Variants in PSEN1 observed in about 807,000 individuals in gnomAD.
PSEN1 encodes the protein presenilin 1.
In PSEN1, 15 loss-of-function variants were observed where a neutral mutation model predicts 53.5. The observed-to-expected ratio is 0.28, with a 90% CI of 0.19 to 0.43. The LOEUF (loss-of-function observed/expected upper bound fraction) is 0.43, where lower values mean the gene tolerates loss of function less well. Among genes scored for constraint, PSEN1 ranks in the 20% least tolerant of loss-of-function variants. PSEN1 has a pLI of 1.00. For synonymous variants in PSEN1, 208 were observed against 209.8 expected (o/e 0.99, Z 0.08); for missense variants, 387 against 571.2 (o/e 0.68, Z 3.29).
chr14:73,167,124 G>A (rs1897740519), intron 3 of PSEN1, among the ~76,000 whole-genome samples: 1 of 138,096 alleles, frequency 7.2e-6, no homozygotes, highest in South Asian at 2.5e-4. Context: ...TCTTGAGGCT[G>A]GAAAGCCCAA....
intron 4 of PSEN1, among the ~76,000 whole-genome samples, 162 bp downstream of exon 4, chr14:73,171,209 C>T (rs559715033): frequency 1.3e-5 from 2 of 152,254 alleles, no homozygotes; most frequent in African/African-American, 2.4e-5. Context: ...GGGGTTATTA[C>T]TTCATGTTTT....
At chr14:73,158,043 T>C (rs1897414185) in intron 3 of PSEN1, among the ~76,000 whole-genome samples, 1 of 152,132 alleles carries the variant, frequency 6.6e-6, no homozygotes. Flanking sequence ...CATAATTATT[T>C]TGAAATTCGT....
intron 9 of PSEN1, among the ~76,000 whole-genome samples, chr14:73,210,809 C>T (rs1018917423): frequency 6.6e-6 from 1 of 152,168 alleles, no homozygotes; most frequent in Non-Finnish European, 1.5e-5. Flanking sequence ...AAATCTACTT[C>T]TGCTCTGAAC....
intron 5 of PSEN1, among the ~76,000 whole-genome samples, chr14:73,185,126 G>A (rs1898447947): frequency 6.6e-6 from 1 of 151,428 alleles, no homozygotes; most frequent in Non-Finnish European, 1.5e-5. Flanking sequence ...TCCAGACTGG[G>A]CAGCCAGGCA....
In PSEN1 at chr14:73,209,439, G is replaced by A. The variant is rs150695289; in HGVS notation, c.956-2330G>A. On this transcript the variant is annotated intron_variant, in intron 9 of 11. Coordinates refer to ENST00000324501, the MANE Select transcript of PSEN1 (RefSeq NM_000021.4). ...TTAAGCTAAAGAAAATCAAATGATT[G>A]TCTGTGAGCATGTAGGTATATATGT... Among the ~76,000 whole-genome samples the A allele has an allele frequency of 5.9e-3, 904 of 152,364 alleles. 12 individuals carry two copies. The highest frequency in any genetic ancestry group is 0.021 in the African/African-American group (856 of 41,578).
Position 73,206,479 on chromosome 14 carries a change from A to C in PSEN1, c.955+7A>C, listed in dbSNP as rs1899461864. 1 of 1,586,544 alleles carries C rather than the reference A, an allele frequency of 6.3e-7. No homozygotes were observed. Among genetic ancestry groups the C allele is most frequent in the African/African-American group, 1.3e-5 (1 of 74,416 alleles). On this transcript the variant is annotated splice_region_variant and intron_variant, in intron 9 of 11. Transcript: ENST00000324501. ...TCCAAGTATAATGCAGAAAGTAGGT[A>C]ACTTTTATTAGATAATATCTTGATT...
chr14:73,140,621 G>A (rs936140813), intron 1 of PSEN1, among the ~76,000 whole-genome samples: 2 of 151,940 alleles, frequency 1.3e-5, no homozygotes, highest in African/African-American at 4.8e-5. Context: ...TTAATAATTT[G>A]TTTGCTTTTC....
intron 7 of PSEN1, among the ~76,000 whole-genome samples, chr14:73,194,358 A>C (rs1379762657): frequency 6.6e-6 from 1 of 151,872 alleles, no homozygotes; most frequent in Admixed American, 6.6e-5. Context: ...CTGGGCTCAA[A>C]CAATCCTCCC....
chr14:73,157,641 C>T (rs1417472642), intron 3 of PSEN1, among the ~76,000 whole-genome samples: 1 of 151,994 alleles, frequency 6.6e-6, no homozygotes, highest in Non-Finnish European at 1.5e-5. Flanking sequence ...CTGATTCCTC[C>T]CCATCCCCAG....
intron 9 of PSEN1, among the ~76,000 whole-genome samples, chr14:73,207,978 GA>G (rs1311787158): frequency 6.6e-6 from 1 of 152,206 alleles, no homozygotes; most frequent in African/African-American, 2.4e-5. Context: ...AAACCTGATA[GA>G]AAAGTAAGAA....
chr14:73,189,340 G>A (rs867212101), intron 6 of PSEN1, among the ~76,000 whole-genome samples: 3 of 152,172 alleles, frequency 2.0e-5, no homozygotes, highest in Admixed American at 1.3e-4. Flanking sequence ...TCTGGGTGCC[G>A]TGGCTCATGC....
At chr14:73,209,762 C>A (rs1382211577) in intron 9 of PSEN1, among the ~76,000 whole-genome samples, 1 of 152,130 alleles carries the variant, frequency 6.6e-6, no homozygotes, top group Admixed American at 6.6e-5. Flanking sequence ...AGGGGACGGC[C>A]CGCTGAAGGA....
chr14:73,215,059 C>G (rs1378619930), intron 10 of PSEN1, among the ~76,000 whole-genome samples: 1 of 152,032 alleles, frequency 6.6e-6, no homozygotes, highest in South Asian at 2.1e-4. Context: ...CTCCCAGGTT[C>G]AAGCGATACT....
chr14:73,211,375 C>G (rs1167489995), intron 9 of PSEN1, among the ~76,000 whole-genome samples: 1 of 152,168 alleles, frequency 6.6e-6, no homozygotes, highest in Admixed American at 6.5e-5. Flanking sequence ...TTCCTTTAGT[C>G]TCTCTTAAAG....
chr14:73,159,914 C>T (rs1897478899), intron 3 of PSEN1: 1 of 155,980 alleles, frequency 6.4e-6, no homozygotes, highest in African/African-American at 2.4e-5. Context: ...CCTTCACCTC[C>T]TGGGCTCAAG....
intron 5 of PSEN1, among the ~76,000 whole-genome samples, chr14:73,179,271 A>G (rs576871155): frequency 4.4e-4 from 67 of 152,272 alleles, no homozygotes; most frequent in African/African-American, 1.6e-3. Flanking sequence ...TGCCACCCAC[A>G]TTACCATCAC....
At chr14:73,152,790 C>T (rs959856599) in intron 3 of PSEN1, among the ~76,000 whole-genome samples, 2 of 152,176 alleles carry the variant, frequency 1.3e-5, no homozygotes, top group African/African-American at 4.8e-5. Flanking sequence ...CGCCTGTAAT[C>T]CCAGCACTTT....
chr14:73,195,865 C>G (rs970704407), intron 7 of PSEN1, among the ~76,000 whole-genome samples: 1 of 152,152 alleles, frequency 6.6e-6, no homozygotes, highest in Non-Finnish European at 1.5e-5. Context: ...CAGTTATTAT[C>G]CCTGTTTTAC....
chr14:73,201,233 A>G (rs984677411), intron 8 of PSEN1, among the ~76,000 whole-genome samples: 1 of 151,930 alleles, frequency 6.6e-6, no homozygotes, highest in African/African-American at 2.4e-5. Flanking sequence ...GACTACAGGC[A>G]CACGCCGCCA....
Sources: allele counts gnomAD v4.1 joint callset (sites outside exome capture counted in the v4.1 genomes callset), GRCh38; gene constraint gnomAD v4.1.1; transcripts MANE v1.5; gene names NCBI Gene and HGNC (gene_info 2026-07-23, HGNC 2026-07-21).